GPC5: variants seen among roughly 807,000 people sequenced by gnomAD.
The protein encoded by GPC5 is glypican-5.
GPC5 carries 47 observed loss-of-function variants against 53.9 expected under a neutral mutation model. The observed-to-expected ratio is 0.87, with a 90% CI of 0.69 to 1.11. GPC5 has a LOEUF of 1.11. Among genes scored for constraint, GPC5 ranks in the 50% most tolerant of loss-of-function variants. The probability of loss-of-function intolerance (pLI) is 0.00; values close to 1 mark genes in which losing one functional copy is unlikely to be tolerated. For synonymous variants in GPC5, 286 were observed against 263.3 expected, an observed-to-expected ratio of 1.09 and a Z score of -0.84; for missense variants, 748 against 713.1, an observed-to-expected ratio of 1.05 and a Z score of -0.56.
rs898206029 is a variant in GPC5, at chr13:92,791,932, T to C, written c.1562-74350T>C. 2.7e-4 allele frequency among the ~76,000 whole-genome samples: 41 copies of C among 152,226 alleles called. 1 individual carries two copies. The South Asian group carries it at 5.6e-3, about 21-fold the overall frequency. On this transcript the variant is annotated intron_variant, in intron 7 of 7. Transcript: ENST00000377067. ...ATTAGATGACTATCATTTCATCTCA[T>C]TATTTCAGTTACTTTTATAAATAAA...
At chr13:91,416,786 C>A (rs868204340) in intron 1 of GPC5, among the ~76,000 whole-genome samples, 3 of 152,098 alleles carry the variant, frequency 2.0e-5, no homozygotes, top group African/African-American at 7.2e-5. Flanking sequence ...TGAATTCATC[C>A]TTTTTTATGG....
intron 7 of GPC5, among the ~76,000 whole-genome samples, chr13:92,188,632 T>C (rs2042201001): frequency 6.6e-6 from 1 of 152,232 alleles, no homozygotes; most frequent in East Asian, 1.9e-4. Context: ...ATAGATTTAA[T>C]AAGTAAATAT....
chr13:92,526,674 T>G (rs957988071), intron 7 of GPC5, among the ~76,000 whole-genome samples: 1 of 151,846 alleles, frequency 6.6e-6, no homozygotes, highest in Non-Finnish European at 1.5e-5. Flanking sequence ...AAGGAAAGAA[T>G]AGAAACAGGA....
rs185255714 is a variant in GPC5, at chr13:91,816,014, C to T, written c.1280+59594C>T. On this transcript the variant is annotated intron_variant, in intron 5 of 7. Coordinates refer to ENST00000377067, the MANE Select transcript of GPC5 (RefSeq NM_004466.6). Reference sequence around the variant, plus strand: ...GGAGTATAACATATTGTTCCATTCCCTGGGAAGCTTACCTAGCTAAATAAT... The same window carrying T: ...GGAGTATAACATATTGTTCCATTCCTTGGGAAGCTTACCTAGCTAAATAAT... 3.9e-3 allele frequency among the ~76,000 whole-genome samples: 595 copies of T among 152,104 alleles called. 7 individuals are homozygous for T. Among genetic ancestry groups the T allele is most frequent in the African/African-American group, 0.014 (567 of 41,492 alleles).
At chr13:92,249,890 C>T (rs370900930) in intron 7 of GPC5, among the ~76,000 whole-genome samples, 6 of 151,918 alleles carry the variant, frequency 3.9e-5, no homozygotes, top group Admixed American at 6.6e-5. Flanking sequence ...TCTTAGTTTC[C>T]GGTACAATGA....
intron 7 of GPC5, among the ~76,000 whole-genome samples, chr13:92,475,957 C>T (rs1879108715): frequency 6.6e-6 from 1 of 152,084 alleles, no homozygotes; most frequent in Admixed American, 6.6e-5. Flanking sequence ...AAAACCTAGG[C>T]ATTACCATTC....
intron 7 of GPC5, among the ~76,000 whole-genome samples, chr13:92,384,965 G>C (rs937392848): frequency 6.6e-6 from 1 of 152,048 alleles, no homozygotes; most frequent in Non-Finnish European, 1.5e-5. Flanking sequence ...CACAAGATCT[G>C]ATCTACCTGG....
intron 7 of GPC5, among the ~76,000 whole-genome samples, chr13:92,499,944 G>A (rs952646497): frequency 2.0e-5 from 3 of 152,092 alleles, no homozygotes; most frequent in African/African-American, 7.2e-5. Context: ...TATAAAACCT[G>A]AACAGAATGC....
chr13:92,390,186 A>G (rs1874929767), intron 7 of GPC5, among the ~76,000 whole-genome samples: 1 of 152,152 alleles, frequency 6.6e-6, no homozygotes, highest in Admixed American at 6.6e-5. Context: ...TATTAAACTG[A>G]AGAAAGATTA....
At chr13:92,255,634 G>A (rs1450205229) in intron 7 of GPC5, among the ~76,000 whole-genome samples, 1 of 152,080 alleles carries the variant, frequency 6.6e-6, no homozygotes, top group Non-Finnish European at 1.5e-5. Flanking sequence ...TCAGGCAGAT[G>A]TTTCCTTTAT....
intron 5 of GPC5, among the ~76,000 whole-genome samples, chr13:91,766,006 T>C (rs1246255393): frequency 6.6e-6 from 1 of 152,216 alleles, no homozygotes; most frequent in Non-Finnish European, 1.5e-5. Context: ...AATACAAAAA[T>C]ATAGTAACAC....
Position 92,098,588 on chromosome 13 carries a change from C to T in GPC5, c.1402-46242C>T, listed in dbSNP as rs116785902. On this transcript the variant is annotated intron_variant, in intron 6 of 7. Coordinates refer to ENST00000377067, the MANE Select transcript of GPC5 (RefSeq NM_004466.6). ...TTGTAAAAGGCAGAAAAAATGCCCC[C>T]CCACACAAAGATATTCATGTTTGAA... is the stretch of plus-strand genomic sequence containing the variant. Among the ~76,000 whole-genome samples, 803 of 152,224 alleles carry T rather than the reference C, an allele frequency of 5.3e-3. 13 individuals are homozygous for T. Among genetic ancestry groups the T allele is most frequent in the African/African-American group, 0.018 (758 of 41,526 alleles).
At chr13:91,563,056 A>G (rs2031355955) in intron 2 of GPC5, among the ~76,000 whole-genome samples, 1 of 152,124 alleles carries the variant, frequency 6.6e-6, no homozygotes, top group African/African-American at 2.4e-5. Context: ...GTTTATTACT[A>G]TTGGCACAAA....
At chr13:91,619,561 T>C (rs2033796108) in intron 2 of GPC5, among the ~76,000 whole-genome samples, 2 of 152,200 alleles carry the variant, frequency 1.3e-5, no homozygotes, top group South Asian at 2.1e-4. Context: ...TCAAGTATCA[T>C]TTTACTTTTC....
intron 6 of GPC5, among the ~76,000 whole-genome samples, chr13:92,135,324 T>A (rs2041775291): frequency 6.6e-6 from 1 of 152,214 alleles, no homozygotes; most frequent in Admixed American, 6.5e-5. Flanking sequence ...GTACTCTTCC[T>A]CTTTTGGTCC....
chr13:91,560,617 T>C (rs554218167), intron 2 of GPC5, among the ~76,000 whole-genome samples: 13 of 152,186 alleles, frequency 8.5e-5, no homozygotes, highest in South Asian at 2.1e-4. Flanking sequence ...GTCAAACCAG[T>C]GATCCCAGAT....
chr13:92,355,882 A>ATT (rs57295384), intron 7 of GPC5, among the ~76,000 whole-genome samples: 38 of 126,148 alleles, frequency 3.0e-4, no homozygotes, highest in Middle Eastern at 4.2e-3. Context: ...TGACCCTATC[A>ATT]TTTTTTTTTT....
chr13:92,136,446 G>A (rs1044407637), intron 6 of GPC5, among the ~76,000 whole-genome samples: 2 of 151,956 alleles, frequency 1.3e-5, no homozygotes, highest in African/African-American at 4.8e-5. Context: ...TATACCTTCA[G>A]TTTTCTGGTT....
At chr13:91,761,907 AC>A (rs775260036) in intron 5 of GPC5, among the ~76,000 whole-genome samples, 67 of 152,256 alleles carry the variant, frequency 4.4e-4, no homozygotes, top group Non-Finnish European at 8.7e-4. Flanking sequence ...GAAAGTCCCA[AC>A]CCTCTAATCA....
Sources: allele counts gnomAD v4.1 joint callset (sites outside exome capture counted in the v4.1 genomes callset), GRCh38; gene constraint gnomAD v4.1.1; transcripts MANE v1.5; gene names NCBI Gene and HGNC (gene_info 2026-07-23, HGNC 2026-07-21).